Variants in ERICH3 observed in about 807,000 individuals in gnomAD.
ERICH3 encodes the protein glutamate rich 3.
A neutral mutation model predicts 131.1 loss-of-function variants in ERICH3; 126 were observed. The observed-to-expected ratio is 0.96, with a 90% confidence interval of 0.83 to 1.11. The LOEUF (loss-of-function observed/expected upper bound fraction) is 1.11. Among genes scored for constraint, ERICH3 ranks in the 50% most tolerant of loss-of-function variants. The probability of loss-of-function intolerance (pLI) is 0.00; values close to 1 mark genes in which losing one functional copy is unlikely to be tolerated. For missense variants in ERICH3, 2,050 were observed against 1,810.7 expected (o/e 1.13, Z -2.40); for synonymous variants, 695 against 644.6 (o/e 1.08, Z -1.18).
At position 74,631,627 on chromosome 1, in the gene ERICH3, A is replaced by G; in HGVS notation, c.819+86T>C. On this transcript the variant is annotated intron_variant, in intron 7 of 14. Transcript: ENST00000326665. ...CAACGTTTTGCATGCAATTTCCTCCAAATTCTTTTACTGCAAACCTAGAAA... is the reference window on the plus strand; with the variant it reads ...CAACGTTTTGCATGCAATTTCCTCCGAATTCTTTTACTGCAAACCTAGAAA... 5 of 1,165,248 alleles carry G rather than the reference A, an allele frequency of 4.3e-6. No individual in the cohort carries two copies. In the South Asian group the frequency reaches 7.1e-5, roughly 17 times the overall value. 72.2% of individuals were successfully genotyped at this position (1,165,248 alleles called of 1,614,324 possible). A position where few individuals can be genotyped will look rare whatever the true frequency, so the allele number is the denominator to read the frequency against.
chr1:74,609,369 T>A (rs1020910613), intron 9 of ERICH3, among the ~76,000 whole-genome samples: 7 of 152,120 alleles, frequency 4.6e-5, no homozygotes, highest in Non-Finnish European at 1.0e-4. Context: ...TGGTATTTTT[T>A]AAATAAATTA....
chr1:74,571,023 C>A (rs1570781821), intron 14 of ERICH3, 76 bp downstream of exon 14: 1 of 1,505,138 alleles, frequency 6.6e-7, no homozygotes, highest in East Asian at 2.3e-5. Context: ...AATAAAGGGA[C>A]AAGCCAGCCC....
intron 1 of ERICH3, among the ~76,000 whole-genome samples, chr1:74,673,198 C>A (rs1646757595): frequency 6.6e-6 from 1 of 152,166 alleles, no homozygotes; most frequent in African/African-American, 2.4e-5. Flanking sequence ...TTCTTGATCC[C>A]AGCGAAGGTC....
intron 7 of ERICH3, chr1:74,622,280 T>G (rs1159980918): frequency 4.6e-5 from 7 of 152,170 alleles, no homozygotes; most frequent in South Asian, 2.1e-4. Flanking sequence ...TCAAGCAAAT[T>G]TTCTTGCCTG....
intron 3 of ERICH3, among the ~76,000 whole-genome samples, chr1:74,643,932 T>G (rs1646458410): frequency 6.6e-6 from 1 of 152,154 alleles, no homozygotes; most frequent in South Asian, 2.1e-4. Context: ...GAAATGCATG[T>G]TAACAGCCGT....
Position 74,631,723 on chromosome 1 carries a change from A to G in ERICH3, c.809T>C (p.Leu270Pro), listed in dbSNP as rs1646339316. ...TTGTTCCATAATCACCTTTGTCAAA[A>G]GAGGTTCTAAGCCATTTGGAGCAGT... ...PTTAPNGLEP[L>P]LTKDSRRIHK... Residue 270 changes from leucine (L) to proline (P), a missense_variant, in exon 7 of 15, where the codon CTT (leucine) becomes CCT (proline). Physicochemically the swap from Leu to Pro is moderately conservative, Grantham distance 98. Transcript: ENST00000326665. 2 of 1,610,806 alleles carry G rather than the reference A, an allele frequency of 1.2e-6. No homozygotes were observed. The highest frequency in any genetic ancestry group is 1.7e-6 in the Non-Finnish European group (2 of 1,177,156).
At chr1:74,576,780 T>C (rs750118443) in intron 13 of ERICH3, 115 bp downstream of exon 13, 25 of 919,750 alleles carry the variant, frequency 2.7e-5, no homozygotes, top group Non-Finnish European at 4.2e-5. Context: ...TTAAAAGTCA[T>C]TCAATAAATA....
intron 12 of ERICH3, chr1:74,577,265 AGG>A: frequency 5.3e-6 from 1 of 188,934 alleles, no homozygotes; most frequent in East Asian, 1.2e-4. Context: ...AAGTGGCAGA[AGG>A]AAGAAACAAG....
In ERICH3 at chr1:74,636,381, G is replaced by A; in HGVS notation, c.502C>T (p.Pro168Ser). ...TCTACTGCAGGATTACTGGGAAGAG[G>A]CTGTAATCGAATTGGAGGCTGCATA... The part of the protein sequence containing the change: ...GNMQPPIRLQ[P>S]LPSNPAVETV... Residue 168 changes from proline to serine, a missense_variant, in exon 6 of 15, where the codon CCT (proline) becomes TCT (serine). Physicochemically the swap from Pro to Ser is moderately conservative, Grantham distance 74. Coordinates refer to ENST00000326665, the MANE Select transcript of ERICH3 (RefSeq NM_001002912.5). 6.2e-7 allele frequency: 1 copy of A among 1,612,872 alleles called. No homozygotes were observed. Among genetic ancestry groups the A allele is most frequent in the Non-Finnish European group, 8.5e-7 (1 of 1,179,114 alleles).
chr1:74,616,549 TA>T (rs989210143), intron 8 of ERICH3, among the ~76,000 whole-genome samples: 8 of 151,902 alleles, frequency 5.3e-5, no homozygotes, highest in African/African-American at 1.9e-4. Context: ...TGGTGGAAAA[TA>T]AAAGTTGGAG....
At chr1:74,660,977 T>A (rs1646636736) in intron 1 of ERICH3, among the ~76,000 whole-genome samples, 1 of 151,220 alleles carries the variant, frequency 6.6e-6, no homozygotes, top group Non-Finnish European at 1.5e-5. Flanking sequence ...CAGAGCGAGG[T>A]ATTATGAGAA....
chr1:74,580,056 G>A, intron 12 of ERICH3: 3 of 282,206 alleles, frequency 1.1e-5, no homozygotes, highest in Non-Finnish European at 1.6e-5. Context: ...CCTAAATATG[G>A]AGACAGTATT....
intron 11 of ERICH3, among the ~76,000 whole-genome samples, chr1:74,598,056 T>C (rs1452317388): frequency 2.0e-5 from 3 of 151,898 alleles, no homozygotes; most frequent in African/African-American, 7.2e-5. Context: ...CTTAGGACTT[T>C]TTTATTTCTC....
At chr1:74,615,367 G>A (rs138427157) in intron 8 of ERICH3, 103 of 151,954 alleles carry the variant, frequency 6.8e-4, no homozygotes, top group African/African-American at 2.3e-3. Context: ...CAGAGATGGG[G>A]GTGTGTAGAA....
At chr1:74,664,199 A>C (rs530674661) in intron 1 of ERICH3, among the ~76,000 whole-genome samples, 5 of 152,158 alleles carry the variant, frequency 3.3e-5, no homozygotes, top group Non-Finnish European at 7.4e-5. Context: ...AAAAATGGAA[A>C]CTATAATTAT....
At chr1:74,653,199 T>C (rs1646553315) in intron 1 of ERICH3, among the ~76,000 whole-genome samples, 1 of 152,140 alleles carries the variant, frequency 6.6e-6, no homozygotes, top group African/African-American at 2.4e-5. Context: ...AAATCCCAGC[T>C]AAAAGGAAAG....
rs1363431135 is a variant in ERICH3, at chr1:74,573,100, C to T, written c.2610G>A (p.Leu870=). The T allele has an allele frequency of 6.2e-7, 1 of 1,614,092 alleles. No homozygotes were observed. Among genetic ancestry groups the T allele is most frequent in the Non-Finnish European group, 8.5e-7 (1 of 1,179,962 alleles). Residue 870 remains leucine, a synonymous_variant, in exon 14 of 15, where the codon CTG becomes CTA. Coordinates refer to ENST00000326665, the MANE Select transcript of ERICH3 (RefSeq NM_001002912.5). Reference sequence around the variant, plus strand: ...GCTTTTCAGGAGCCTCATCTTTACTCAGACCCACAGCATCTTTTGCTGCTG... The same window carrying T: ...GCTTTTCAGGAGCCTCATCTTTACTTAGACCCACAGCATCTTTTGCTGCTG... ...GQAAAKDAVG[L]SKDEAPEKQA... is the part of the protein sequence containing the mutation.
rs1646957737 is a variant in ERICH3 at position 74,571,978 on chromosome 1, T to G, written c.3732A>C (p.Ala1244=). Residue 1244 remains alanine, a synonymous_variant, in exon 14 of 15, where the codon GCA becomes GCC. Coordinates refer to ENST00000326665, the MANE Select transcript of ERICH3 (RefSeq NM_001002912.5). ...IPATGQAEEL[A]AKDHDSCAGL... ...CTGCGCAGGAGTCGTGATCTTTGGC[T>G]GCTAGCTCCTCTGCCTGGCCTGTGG... The G allele has an allele frequency of 1.2e-6, 2 of 1,613,924 alleles. No homozygotes were observed. Among genetic ancestry groups the G allele is most frequent in the Non-Finnish European group, 1.7e-6 (2 of 1,180,038 alleles).
At chr1:74,616,847 C>T (rs1204111816) in intron 8 of ERICH3, among the ~76,000 whole-genome samples, 1 of 152,146 alleles carries the variant, frequency 6.6e-6, no homozygotes, top group Non-Finnish European at 1.5e-5. Flanking sequence ...GACGGAACCA[C>T]AGGCCAAGGA....
Sources: gnomAD v4.1 joint callset for allele counts (sites outside exome capture counted in the v4.1 genomes callset) on GRCh38, gnomAD v4.1.1 for gene constraint, MANE v1.5 for transcripts, NCBI Gene and HGNC (gene_info 2026-07-23, HGNC 2026-07-21) for gene names.